The following ETV6 variants were observed in gnomAD, a reference collection of about 807,000 sequenced individuals.
ETV6 encodes transcription factor ETV6.
ETV6 carries 16 observed loss-of-function variants against 51.1 expected under a neutral mutation model. The observed-to-expected ratio is 0.31, with a 90% CI of 0.21 to 0.48. The LOEUF is 0.48. Among genes scored for constraint, ETV6 ranks in the 20% least tolerant of loss-of-function variants. The pLI is 0.99. For synonymous variants in ETV6, 240 were observed against 224.1 expected (o/e 1.07, Z -0.64); for missense variants, 458 against 594.8 (o/e 0.77, Z 2.39).
intron 1 of ETV6, among the ~76,000 whole-genome samples, chr12:11,673,001 T>C (rs889039589): frequency 6.6e-6 from 1 of 152,218 alleles, no homozygotes; most frequent in African/African-American, 2.4e-5. Context: ...GCCTTTTCAC[T>C]GACTGGAGGA....
chr12:11,796,555 A>C (rs1945678973), intron 2 of ETV6, among the ~76,000 whole-genome samples: 2 of 152,190 alleles, frequency 1.3e-5, no homozygotes, highest in African/African-American at 4.8e-5. Context: ...CCAAGTGTTT[A>C]GGGGCATTAA....
chr12:11,865,112 A>G (rs1277215517), intron 4 of ETV6, among the ~76,000 whole-genome samples: 2 of 152,074 alleles, frequency 1.3e-5, no homozygotes, highest in Admixed American at 1.3e-4. Context: ...TTAGCCAGGC[A>G]TGGTGGCGGG....
At chr12:11,827,725 C>T (rs558636735) in intron 2 of ETV6, among the ~76,000 whole-genome samples, 5 of 152,120 alleles carry the variant, frequency 3.3e-5, no homozygotes, top group South Asian at 2.1e-4. Flanking sequence ...ATGCAAGTGA[C>T]GGACAGATCA....
intron 1 of ETV6, among the ~76,000 whole-genome samples, chr12:11,706,415 T>C (rs898267640): frequency 2.4e-4 from 37 of 152,290 alleles, no homozygotes; most frequent in African/African-American, 7.5e-4. Context: ...CATTGCAAGA[T>C]TGTTTCTTGT....
At chr12:11,745,193 C>G (rs932439032) in intron 1 of ETV6, among the ~76,000 whole-genome samples, 5 of 152,316 alleles carry the variant, frequency 3.3e-5, no homozygotes, top group South Asian at 2.1e-4. Flanking sequence ...TTTATAAGCT[C>G]TAACTTACCA....
intron 1 of ETV6, among the ~76,000 whole-genome samples, 161 bp from the exon 2 acceptor site, chr12:11,752,289 A>G (rs576400430): frequency 6.6e-6 from 1 of 152,284 alleles, no homozygotes; most frequent in African/African-American, 2.4e-5. Context: ...ACAACTGTAT[A>G]CAGTGTCTCT....
intron 2 of ETV6, among the ~76,000 whole-genome samples, chr12:11,791,178 T>A (rs2724624): frequency 0.99 from 150,716 of 152,312 alleles, 74,585 homozygotes; most frequent in Middle Eastern, 1. Flanking sequence ...CCACCGGTTC[T>A]TCTGCTTTCA....
chr12:11,801,236 A>G (rs2136402917), intron 2 of ETV6, among the ~76,000 whole-genome samples: 1 of 152,346 alleles, frequency 6.6e-6, no homozygotes, highest in Middle Eastern at 3.4e-3. Flanking sequence ...TAGCTTTGAC[A>G]TTGGCCTTTA....
chr12:11,836,742 C>G (rs1946322654), intron 2 of ETV6, among the ~76,000 whole-genome samples: 1 of 152,066 alleles, frequency 6.6e-6, no homozygotes, highest in Non-Finnish European at 1.5e-5. Context: ...GCAGAAACTT[C>G]AGCATTTTAC....
chr12:11,669,506 C>G (rs1864271183), intron 1 of ETV6, among the ~76,000 whole-genome samples: 1 of 151,688 alleles, frequency 6.6e-6, no homozygotes, highest in Non-Finnish European at 1.5e-5. Flanking sequence ...GCCTCTTGTG[C>G]AATAGGATAA....
chr12:11,774,763 A>C (rs1009138971), intron 2 of ETV6, among the ~76,000 whole-genome samples: 40 of 152,222 alleles, frequency 2.6e-4, no homozygotes, highest in Middle Eastern at 3.2e-3. Flanking sequence ...CACGGTACTG[A>C]GGACCACATC....
intron 1 of ETV6, among the ~76,000 whole-genome samples, chr12:11,690,354 T>C (rs1215418516): frequency 1.3e-5 from 2 of 152,132 alleles, no homozygotes; most frequent in Non-Finnish European, 2.9e-5. Flanking sequence ...TTCATTTTTT[T>C]GTTGTTTCTC....
intron 2 of ETV6, among the ~76,000 whole-genome samples, chr12:11,789,108 C>T (rs1043740917): frequency 1.5e-4 from 23 of 152,270 alleles, no homozygotes; most frequent in Admixed American, 4.6e-4. Context: ...TCTCTGCTCA[C>T]TGCAACCTCT....
chr12:11,670,321 T>G (rs899686482), intron 1 of ETV6, among the ~76,000 whole-genome samples: 8 of 152,200 alleles, frequency 5.3e-5, no homozygotes, highest in African/African-American at 1.9e-4. Flanking sequence ...GCTTAAAAAT[T>G]ACCCTTTTCT....
chr12:11,688,291 G>C (rs1273957729), intron 1 of ETV6, among the ~76,000 whole-genome samples: 1 of 152,228 alleles, frequency 6.6e-6, no homozygotes, highest in African/African-American at 2.4e-5. Flanking sequence ...TTTAGCCCCC[G>C]TTAAAGGCAC....
At chr12:11,833,355 G>T (rs7957350) in intron 2 of ETV6, among the ~76,000 whole-genome samples, 1 of 152,112 alleles carries the variant, frequency 6.6e-6, no homozygotes, top group African/African-American at 2.4e-5. Context: ...TCATTTTTCA[G>T]TTGACACCAG....
intron 2 of ETV6, among the ~76,000 whole-genome samples, chr12:11,801,653 T>C (rs924312825): frequency 6.6e-6 from 1 of 152,254 alleles, no homozygotes; most frequent in Non-Finnish European, 1.5e-5. Flanking sequence ...TCATGTAATA[T>C]ATTAACCTAT....
At chr12:11,674,762 T>C (rs1275726792) in intron 1 of ETV6, among the ~76,000 whole-genome samples, 1 of 151,180 alleles carries the variant, frequency 6.6e-6, no homozygotes, top group Non-Finnish European at 1.5e-5. Flanking sequence ...CCTAGAGAGA[T>C]GATGATGTGA....
At chr12:11,768,193 GT>G (rs960756626) in intron 2 of ETV6, among the ~76,000 whole-genome samples, 19 of 151,252 alleles carry the variant, frequency 1.3e-4, no homozygotes, top group African/African-American at 3.9e-4. Context: ...CTATCTTTCC[GT>G]TTGTATTAGT....
Sources: allele counts gnomAD v4.1 joint callset (sites outside exome capture counted in the v4.1 genomes callset), GRCh38; gene constraint gnomAD v4.1.1; transcripts MANE v1.5; gene names NCBI Gene and HGNC (gene_info 2026-07-23, HGNC 2026-07-21).